Variants in STXBP5L observed in about 807,000 individuals in gnomAD.
The protein encoded by STXBP5L is syntaxin binding protein 5L.
Under a neutral mutation model 144.5 loss-of-function variants are expected in STXBP5L, and 65 were observed. The observed-to-expected ratio is 0.45, with a 90% confidence interval of 0.37 to 0.55. STXBP5L has a LOEUF of 0.55. STXBP5L is among the 20% of genes least tolerant of loss of function. The pLI is 0.00. For synonymous variants in STXBP5L, 505 were observed against 469.6 expected (o/e 1.08, Z -0.97); for missense variants, 1,298 against 1,405.5 (o/e 0.92, Z 1.22).
chr3:121,058,394 GT>G, intron 5 of STXBP5L, among the ~76,000 whole-genome samples: 1 of 152,198 alleles, frequency 6.6e-6, no homozygotes, highest in Non-Finnish European at 1.5e-5. Context: ...ATTTGGGTTG[GT>G]TGCAAGTCTT....
chr3:120,999,518 T>C lies in STXBP5L; in HGVS notation c.288-42182T>C, dbSNP rs536181910. On this transcript the variant is annotated intron_variant, in intron 3 of 26. Coordinates refer to ENST00000471454, the MANE Select transcript of STXBP5L (RefSeq NM_001308330.2). ...CAGCGTACAGTTGGGTGTTGCTTCT[T>C]TATCTAATTGACTATGCTGTGCCTT... Among the ~76,000 whole-genome samples, 3 of 152,386 alleles carry C rather than the reference T, an allele frequency of 2.0e-5. No homozygotes were observed. The East Asian group carries it at 5.8e-4, about 29-fold the overall frequency.
intron 19 of STXBP5L, among the ~76,000 whole-genome samples, chr3:121,313,683 G>A (rs377759582): frequency 0.057 from 2,978 of 52,126 alleles, 265 homozygotes; most frequent in Admixed American, 0.11. Context: ...AGGGGCAGCC[G>A]GGCAGAGGAG....
chr3:121,028,214 G>T (rs113271078), intron 3 of STXBP5L, among the ~76,000 whole-genome samples: 94 of 152,020 alleles, frequency 6.2e-4, no homozygotes, highest in African/African-American at 2.3e-3. Flanking sequence ...ATTAAGTTTA[G>T]AAGTATTAAG....
At chr3:120,988,074 T>A (rs116380648) in intron 3 of STXBP5L, among the ~76,000 whole-genome samples, 2,272 of 151,844 alleles carry the variant, frequency 0.015, 33 homozygotes, top group Non-Finnish European at 0.023. Flanking sequence ...ATATTTATTT[T>A]TTTTTCAAGA....
chr3:121,383,135 A>G (rs1048122004), intron 22 of STXBP5L, among the ~76,000 whole-genome samples: 8 of 151,924 alleles, frequency 5.3e-5, no homozygotes, highest in Admixed American at 3.9e-4. Context: ...ATTTTTTTAA[A>G]TATATATATT....
chr3:121,091,620 G>C (rs1156238930), intron 5 of STXBP5L, among the ~76,000 whole-genome samples: 1 of 151,812 alleles, frequency 6.6e-6, no homozygotes, highest in Non-Finnish European at 1.5e-5. Flanking sequence ...ACTTTTTGAT[G>C]GGGTTGTTTT....
chr3:121,385,130 G>A (rs2046399370), intron 22 of STXBP5L, among the ~76,000 whole-genome samples: 1 of 151,984 alleles, frequency 6.6e-6, no homozygotes, highest in Non-Finnish European at 1.5e-5. Context: ...TTACCCCAGT[G>A]GTAGATGCTT....
intron 5 of STXBP5L, among the ~76,000 whole-genome samples, chr3:121,079,567 T>G (rs1473184463): frequency 1.3e-5 from 2 of 152,254 alleles, no homozygotes; most frequent in East Asian, 3.8e-4. Context: ...TTGATTTTAT[T>G]AATTCCTTCT....
intron 2 of STXBP5L, among the ~76,000 whole-genome samples, chr3:120,945,141 C>T (rs948531262): frequency 2.0e-5 from 3 of 151,640 alleles, no homozygotes; most frequent in Admixed American, 1.3e-4. Context: ...AATTTTGAGA[C>T]AGTTTATGTA....
chr3:121,272,094 T>A (rs77331674), intron 18 of STXBP5L, among the ~76,000 whole-genome samples: 2,934 of 152,312 alleles, frequency 0.019, 89 homozygotes, highest in African/African-American at 0.066. Flanking sequence ...GAATGTGTAT[T>A]CTTCTGCTGT....
At chr3:121,220,802 C>T (rs1221435005) in intron 10 of STXBP5L, among the ~76,000 whole-genome samples, 2 of 151,982 alleles carry the variant, frequency 1.3e-5, no homozygotes, top group Non-Finnish European at 2.9e-5. Flanking sequence ...TCACTAGCTG[C>T]TTGACCCTGG....
intron 20 of STXBP5L, among the ~76,000 whole-genome samples, chr3:121,340,298 T>C (rs2044660500): frequency 6.6e-6 from 1 of 152,080 alleles, no homozygotes; most frequent in South Asian, 2.1e-4. Flanking sequence ...AGGCATGGAA[T>C]ATTATTTTTT....
chr3:121,181,667 G>A (rs528070817), intron 9 of STXBP5L, among the ~76,000 whole-genome samples: 1 of 151,848 alleles, frequency 6.6e-6, no homozygotes, highest in East Asian at 2.0e-4. Context: ...CCAAGAGGCA[G>A]TTGGAGGCTT....
chr3:121,176,159 G>T (rs183529958), intron 9 of STXBP5L, among the ~76,000 whole-genome samples: 375 of 152,032 alleles, frequency 2.5e-3, no homozygotes, highest in Admixed American at 5.4e-3. Context: ...TAGAACAAGT[G>T]GGCATGATAT....
intron 3 of STXBP5L, among the ~76,000 whole-genome samples, chr3:121,006,270 C>G (rs1944293834): frequency 6.6e-6 from 1 of 152,134 alleles, no homozygotes; most frequent in Admixed American, 6.5e-5. Context: ...GGATAGTTAG[C>G]TCTTCTTGTT....
At chr3:121,135,105 G>A (rs1232555556) in intron 7 of STXBP5L, among the ~76,000 whole-genome samples, 1 of 152,116 alleles carries the variant, frequency 6.6e-6, no homozygotes, top group South Asian at 2.1e-4. Flanking sequence ...ATTCTAACTG[G>A]TATGAGATGG....
chr3:121,347,929 C>T (rs2045074296), intron 20 of STXBP5L, among the ~76,000 whole-genome samples: 1 of 152,158 alleles, frequency 6.6e-6, no homozygotes, highest in African/African-American at 2.4e-5. Context: ...TTCCTCTTTT[C>T]CGAATTGAAT....
chr3:121,134,467 C>T (rs1253125159), intron 7 of STXBP5L, among the ~76,000 whole-genome samples: 2 of 151,940 alleles, frequency 1.3e-5, no homozygotes, highest in Non-Finnish European at 2.9e-5. Flanking sequence ...AAGTTTGTTA[C>T]ATATGTATAC....
At chr3:121,170,149 A>T (rs1308202388) in intron 9 of STXBP5L, among the ~76,000 whole-genome samples, 1 of 152,236 alleles carries the variant, frequency 6.6e-6, no homozygotes, top group Non-Finnish European at 1.5e-5. Context: ...GAAACCAATG[A>T]GAACAAAGAC....
Sources: allele counts gnomAD v4.1 joint callset (sites outside exome capture counted in the v4.1 genomes callset), GRCh38; gene constraint gnomAD v4.1.1; transcripts MANE v1.5; gene names NCBI Gene and HGNC (gene_info 2026-07-23, HGNC 2026-07-21).